Variants in WNK3 observed in about 807,000 individuals in gnomAD.
WNK3 encodes the protein WNK lysine deficient protein kinase 3.
WNK3 carries 18 observed loss-of-function variants against 116.7 expected under a neutral mutation model. The observed-to-expected ratio is 0.15, with a 90% CI of 0.11 to 0.23. The LOEUF is 0.23. WNK3 is among the 10% of genes least tolerant of loss of function. The pLI, the probability that WNK3 is intolerant of heterozygous loss-of-function variation, is 1.00. For missense variants in WNK3, 993 were observed against 1,323.8 expected (o/e 0.75, Z 3.88); for synonymous variants, 404 against 469.4 (o/e 0.86, Z 1.80).
intron 20 of WNK3, among the ~76,000 whole-genome samples, chrX:54,236,331 C>G (rs1490876286): frequency 9.3e-6 from 1 of 107,838 alleles, no homozygotes; most frequent in Non-Finnish European, 1.9e-5. Context: ...CCATGTTGGC[C>G]AGGCCGGTCT....
At chrX:54,298,331 C>T in exon 7 of WNK3, 1 of 1,211,508 alleles carries the variant, frequency 8.3e-7, no homozygotes, top group East Asian at 3.0e-5. Flanking sequence ...CTTCTGCTAA[C>T]TCCACCCTCA....
At chrX:54,260,615 C>T (rs1557156497) in intron 10 of WNK3, among the ~76,000 whole-genome samples, 3 of 112,156 alleles carry the variant, frequency 2.7e-5, no homozygotes, top group African/African-American at 9.7e-5. Flanking sequence ...AAGTTAAGCT[C>T]TGTCATAATA....
chrX:54,308,901 T>C (rs1344110147), intron 4 of WNK3, among the ~76,000 whole-genome samples, 194 bp downstream of exon 4: 1 of 112,092 alleles, frequency 8.9e-6, no homozygotes, highest in Non-Finnish European at 1.9e-5. Context: ...ACTCTGTCAC[T>C]TGTAGGTGCA....
intron 22 of WNK3, among the ~76,000 whole-genome samples, chrX:54,211,190 C>T: frequency 9.0e-6 from 1 of 111,513 alleles, no homozygotes; most frequent in Non-Finnish European, 1.9e-5. Flanking sequence ...ACCTGTAATC[C>T]CAGCACTTTG....
chrX:54,252,065 C>CA (rs782229094), intron 13 of WNK3, among the ~76,000 whole-genome samples: 2,919 of 29,668 alleles, frequency 0.098, 91 homozygotes, highest in African/African-American at 0.16. Context: ...AACTCTGTCT[C>CA]AAAAAAAAAA....
chrX:54,228,075 C>T (rs1466224395), intron 22 of WNK3, among the ~76,000 whole-genome samples: 1 of 109,815 alleles, frequency 9.1e-6, no homozygotes, highest in Non-Finnish European at 1.9e-5. Flanking sequence ...GAGATGGGGT[C>T]TCACTTTGTT....
Position 54,232,107 on chromosome X carries a change from G to C in WNK3, c.4840+702C>G, listed in dbSNP as rs1441531688. 3.1e-5 allele frequency among the ~76,000 whole-genome samples: 3 copies of C among 97,123 alleles called. No homozygotes were observed. The Admixed American group carries it at 3.3e-4, about 11-fold the overall frequency. The allele number at this position is 97,123 out of a possible 115,157, so 84.3% of individuals were successfully genotyped here. The stretch of plus-strand genomic sequence containing the variant: ...TGTGTCTGTGTATATGTGTGTGTGT[G>C]TGTGTGTATATATATATATATATAT... On this transcript the variant is annotated intron_variant, in intron 21 of 23. Coordinates refer to ENST00000354646, the Ensembl canonical transcript of WNK3.
At position 54,203,628 on chromosome X, in the gene WNK3, G is replaced by A. The variant is rs782774882; in HGVS notation, c.4871-1435C>T. Among the ~76,000 whole-genome samples the A allele has an allele frequency of 7.2e-5, 8 of 111,079 alleles. No homozygotes were observed. The South Asian group carries it at 1.2e-3, about 16-fold the overall frequency. ...GGGACCCAGAAGATTAACAACTGGC[G>A]TCATATGCTGGGGCTAGAATCCAGA... is the stretch of plus-strand genomic sequence containing the variant. On this transcript the variant is annotated intron_variant, in intron 22 of 23. Coordinates refer to ENST00000354646, the Ensembl canonical transcript of WNK3.
exon 24 of WNK3, chrX:54,195,298 C>T (rs2067432919): frequency 2.7e-5 from 3 of 111,133 alleles, no homozygotes; most frequent in African/African-American, 9.8e-5. Flanking sequence ...TTAAGTACAA[C>T]CATTTTCTCC....
rs186704757 is a variant in WNK3 at position 54,301,418 on chromosome X, C to T, written c.1178+353G>A. 1.1e-4 allele frequency among the ~76,000 whole-genome samples: 12 copies of T among 110,682 alleles called. No individual in the cohort carries two copies. The East Asian group carries it at 1.7e-3, about 16-fold the overall frequency. Reference sequence around the variant, plus strand: ...TATTAGCTTTATCATTATCATGACACTAAAGATATAGAATCAAATTTTTAA... The same window carrying T: ...TATTAGCTTTATCATTATCATGACATTAAAGATATAGAATCAAATTTTTAA... On this transcript the variant is annotated intron_variant, in intron 6 of 23. Coordinates refer to ENST00000354646, the Ensembl canonical transcript of WNK3.
rs782501446 is a variant in WNK3, at chrX:54,308,216, T to C, written c.932-137A>G. On this transcript the variant is annotated intron_variant, in intron 4 of 23. Transcript: ENST00000354646. The stretch of plus-strand genomic sequence containing the variant: ...AAATTTCTTTTTTTTTTTTGAGACA[T>C]AGTCTTGCTCTGTTGCCCAGGCTGG... 47 of 523,593 alleles carry C rather than the reference T, an allele frequency of 9.0e-5. No individual in the cohort carries two copies. In the South Asian group the frequency reaches 9.2e-4, roughly 10 times the overall value. The allele number at this position is 523,593 out of a possible 1,213,427, so 43.1% of individuals were successfully genotyped here. A position where few individuals can be genotyped will look rare whatever the true frequency, so the allele number is the denominator to read the frequency against.
At position 54,280,789 on chromosome X, in the gene WNK3, GA is replaced by G. The variant is rs1308052281; in HGVS notation, c.2037+12098del. ...ACACTGGGGACTATGAGAGGGGAGAGAAAGGGATGGGGAAAAAAGCTGAAAA... is the reference window on the plus strand; with the variant it reads ...ACACTGGGGACTATGAGAGGGGAGAGAAGGGATGGGGAAAAAAGCTGAAAA... On this transcript the variant is annotated intron_variant, in intron 10 of 23. Coordinates refer to ENST00000354646, the Ensembl canonical transcript of WNK3. Among the ~76,000 whole-genome samples the G allele has an allele frequency of 1.3e-3, 144 of 110,651 alleles. 1 individual carries two copies. The highest frequency in any genetic ancestry group is 4.6e-3 in the African/African-American group (140 of 30,460).
chrX:54,281,475 C>T (rs183728183), intron 10 of WNK3, among the ~76,000 whole-genome samples: 24 of 111,029 alleles, frequency 2.2e-4, no homozygotes, highest in African/African-American at 9.8e-5. Context: ...CAGAGTGAGA[C>T]GCTGACTCAA....
At chrX:54,253,091 ATTTACC>A (rs1557154718) in intron 13 of WNK3, among the ~76,000 whole-genome samples, 1 of 109,797 alleles carries the variant, frequency 9.1e-6, no homozygotes, top group East Asian at 2.8e-4. Flanking sequence ...GGGATACCCC[ATTTACC>A]TTTACATCAT....
At chrX:54,203,851 G>A (rs1260462341) in intron 22 of WNK3, among the ~76,000 whole-genome samples, 2 of 110,084 alleles carry the variant, frequency 1.8e-5, no homozygotes, top group African/African-American at 6.6e-5. Context: ...GAAGGTTGAG[G>A]CAAGAGAATC....
chrX:54,207,936 A>G (rs782694655), intron 22 of WNK3, among the ~76,000 whole-genome samples: 49 of 110,576 alleles, frequency 4.4e-4, no homozygotes, highest in Admixed American at 3.0e-3. Flanking sequence ...TTGGGAAGCA[A>G]TGCAGTATAA....
chrX:54,224,849 G>A (rs782706330), intron 22 of WNK3, among the ~76,000 whole-genome samples: 13 of 110,940 alleles, frequency 1.2e-4, no homozygotes, highest in African/African-American at 2.9e-4. Context: ...GATTACAGGC[G>A]TGAGCCACCG....
chrX:54,349,699 A>G (rs782473716), intron 1 of WNK3, among the ~76,000 whole-genome samples: 1 of 111,726 alleles, frequency 9.0e-6, no homozygotes, highest in Non-Finnish European at 1.9e-5. Context: ...ATAGTAACAT[A>G]TAGTTATAGT....
chrX:54,312,390 T>A (rs1395951892), intron 2 of WNK3, among the ~76,000 whole-genome samples: 3 of 111,300 alleles, frequency 2.7e-5, no homozygotes, highest in African/African-American at 6.5e-5. Context: ...TACATGACAT[T>A]ATCTTCTAAT....
Sources: allele counts gnomAD v4.1 joint callset (sites outside exome capture counted in the v4.1 genomes callset), GRCh38; gene constraint gnomAD v4.1.1; transcripts MANE v1.5; gene names NCBI Gene and HGNC (gene_info 2026-07-23, HGNC 2026-07-21).